Variants in SPIDR observed in about 807,000 individuals in gnomAD.
The protein encoded by SPIDR is scaffold protein involved in DNA repair.
SPIDR carries 93 observed loss-of-function variants against 104.6 expected under a neutral mutation model. That is an observed-to-expected ratio of 0.89 (90% CI 0.75 to 1.06). The LOEUF (loss-of-function observed/expected upper bound fraction) is 1.06, where lower values mean the gene tolerates loss of function less well. Among genes scored for constraint, SPIDR ranks in the 50% least tolerant of loss-of-function variants. The probability of loss-of-function intolerance (pLI) is 0.00; values close to 1 mark genes in which losing one functional copy is unlikely to be tolerated. For synonymous variants in SPIDR, 431 were observed against 416.9 expected, an observed-to-expected ratio of 1.03 and a Z score of -0.41; for missense variants, 1,154 against 1,111.2, an observed-to-expected ratio of 1.04 and a Z score of -0.55.
chr8:47,461,076 T>C (rs1403735456), intron 8 of SPIDR, among the ~76,000 whole-genome samples: 1 of 152,210 alleles, frequency 6.6e-6, no homozygotes, highest in Admixed American at 6.5e-5. Flanking sequence ...TGCTTTTGCC[T>C]CACAGCTCTT....
intron 10 of SPIDR, among the ~76,000 whole-genome samples, chr8:47,661,973 G>A (rs181119858): frequency 1.5e-4 from 23 of 152,214 alleles, no homozygotes; most frequent in Non-Finnish European, 3.1e-4. Context: ...ATCCTGCCTC[G>A]AGTCACTTGA....
At chr8:47,383,309 A>G (rs1362203408) in intron 5 of SPIDR, among the ~76,000 whole-genome samples, 1 of 152,210 alleles carries the variant, frequency 6.6e-6, no homozygotes, top group Non-Finnish European at 1.5e-5. Flanking sequence ...CCTGGCTGGC[A>G]TGAACTTTGG....
Position 47,673,812 on chromosome 8 carries a change from T to C in SPIDR, c.1556T>C (p.Leu519Pro), listed in dbSNP as rs569999380. The C allele has an allele frequency of 5.6e-6, 9 of 1,614,194 alleles. No homozygotes were observed. Among genetic ancestry groups the C allele is most frequent in the Non-Finnish European group, 7.6e-6 (9 of 1,180,032 alleles). The change falls in exon 11 of 20, where the codon CTG (leucine) becomes CCG (proline). Residue 519 changes from leucine (L) to proline (P), a missense_variant. Coordinates refer to ENST00000297423, the MANE Select transcript of SPIDR (RefSeq NM_001080394.4). Reference protein sequence around the residue: ...TDPAGTRACLLVQDACGMFGE... With the variant: ...TDPAGTRACLPVQDACGMFGE... The stretch of plus-strand genomic sequence containing the variant: ...ATGGTTTTTTACAGAGCCTGCCTTC[T>C]GGTACAAGATGCCTGTGGAATGTTC...
intron 8 of SPIDR, among the ~76,000 whole-genome samples, chr8:47,536,285 C>T (rs1445025468): frequency 3.9e-5 from 6 of 152,046 alleles, no homozygotes; most frequent in African/African-American, 2.4e-5. Flanking sequence ...TGGTTATCAA[C>T]AAACTGATTC....
chr8:47,610,722 A>G (rs1304991507), intron 10 of SPIDR, among the ~76,000 whole-genome samples: 2 of 152,052 alleles, frequency 1.3e-5, no homozygotes, highest in African/African-American at 4.8e-5. Flanking sequence ...TGGGTTGGAC[A>G]CCCCCTTCCC....
intron 5 of SPIDR, among the ~76,000 whole-genome samples, chr8:47,321,673 C>G (rs782613232): frequency 6.6e-6 from 1 of 152,130 alleles, no homozygotes; most frequent in Non-Finnish European, 1.5e-5. Flanking sequence ...CTGGAGGCAT[C>G]GTGCTACCTG....
Position 47,577,595 on chromosome 8 carries a change from T to G in SPIDR, c.1098-18216T>G, listed in dbSNP as rs79714062. 1.1e-3 allele frequency among the ~76,000 whole-genome samples: 167 copies of G among 152,312 alleles called. 1 individual carries two copies. The East Asian group carries it at 0.031, about 28-fold the overall frequency. ...ATACAGTATTCGCAGGCATCCTGTG[T>G]GTATGGAGGACCAGCTTGAGAAAGT... On this transcript the variant is annotated intron_variant, in intron 8 of 19. Transcript: ENST00000297423.
chr8:47,379,046 G>A (rs1219196992), intron 5 of SPIDR, among the ~76,000 whole-genome samples: 1 of 152,142 alleles, frequency 6.6e-6, no homozygotes, highest in Non-Finnish European at 1.5e-5. Flanking sequence ...AGGGGCTCGT[G>A]GCTTTGGCAT....
chr8:47,668,966 T>G (rs2075397531), intron 10 of SPIDR, among the ~76,000 whole-genome samples: 1 of 152,192 alleles, frequency 6.6e-6, no homozygotes, highest in African/African-American at 2.4e-5. Context: ...AGAAAAGATT[T>G]ATCTACCAGT....
At chr8:47,270,531 G>GC (rs1182737295) in intron 1 of SPIDR, among the ~76,000 whole-genome samples, 3 of 151,448 alleles carry the variant, frequency 2.0e-5, no homozygotes, top group Admixed American at 2.0e-4. Context: ...TCTCTTCCCC[G>GC]CCCCCAAACC....
chr8:47,447,370 C>G (rs2070855189), intron 8 of SPIDR, among the ~76,000 whole-genome samples: 1 of 152,102 alleles, frequency 6.6e-6, no homozygotes. Context: ...TGTGCCACCA[C>G]ACACGGCTAA....
At chr8:47,265,017 A>G (rs1705856142) in intron 1 of SPIDR, among the ~76,000 whole-genome samples, 1 of 152,144 alleles carries the variant, frequency 6.6e-6, no homozygotes, top group African/African-American at 2.4e-5. Flanking sequence ...TGAACAAGAA[A>G]TAGGAAAAAG....
At chr8:47,504,245 C>T (rs1564166914) in intron 8 of SPIDR, among the ~76,000 whole-genome samples, 1 of 152,176 alleles carries the variant, frequency 6.6e-6, no homozygotes, top group Non-Finnish European at 1.5e-5. Context: ...AGCTTGGTTC[C>T]ATTCTCCTCG....
intron 5 of SPIDR, among the ~76,000 whole-genome samples, chr8:47,329,490 A>T (rs1554603114): frequency 6.6e-6 from 1 of 152,160 alleles, no homozygotes; most frequent in Non-Finnish European, 1.5e-5. Context: ...TACAGGTGTG[A>T]GCCACTGTAC....
At chr8:47,690,008 A>T (rs1442189877) in intron 11 of SPIDR, among the ~76,000 whole-genome samples, 1 of 152,176 alleles carries the variant, frequency 6.6e-6, no homozygotes, top group Non-Finnish European at 1.5e-5. Flanking sequence ...AATTGTAAGG[A>T]GACAAGCATT....
intron 5 of SPIDR, among the ~76,000 whole-genome samples, chr8:47,331,064 C>T (rs149255521): frequency 1.3e-4 from 20 of 152,272 alleles, no homozygotes; most frequent in African/African-American, 4.6e-4. Flanking sequence ...GTCATGATAT[C>T]TCAGTGTTGT....
At chr8:47,553,130 C>T (rs566586623) in intron 8 of SPIDR, among the ~76,000 whole-genome samples, 11 of 152,286 alleles carry the variant, frequency 7.2e-5, no homozygotes, top group African/African-American at 1.2e-4. Context: ...CCAAGAGATC[C>T]GCTGTTAGTC....
chr8:47,457,847 G>T (rs1270975371), intron 8 of SPIDR, among the ~76,000 whole-genome samples: 1 of 152,110 alleles, frequency 6.6e-6, no homozygotes, highest in Admixed American at 6.6e-5. Context: ...GTGCTGAATA[G>T]GGTGTCCTTT....
chr8:47,653,898 A>T, intron 10 of SPIDR: 1 of 886,548 alleles, frequency 1.1e-6, no homozygotes, highest in Non-Finnish European at 1.4e-6. Flanking sequence ...AAGGAAAAAA[A>T]GGAAAAAGAA....
Sources: allele counts gnomAD v4.1 joint callset (sites outside exome capture counted in the v4.1 genomes callset), GRCh38; gene constraint gnomAD v4.1.1; transcripts MANE v1.5; gene names NCBI Gene and HGNC (gene_info 2026-07-23, HGNC 2026-07-21).